FAT3: variants seen among roughly 807,000 people sequenced by gnomAD.
FAT3 encodes protocadherin Fat 3.
Under a neutral mutation model 310.2 loss-of-function variants are expected in FAT3, and 95 were observed. The ratio of observed to expected loss-of-function variants is 0.31; its 90% CI spans 0.26 to 0.36. The LOEUF (loss-of-function observed/expected upper bound fraction) is 0.36, where lower values mean the gene tolerates loss of function less well. FAT3 is among the 10% of genes least tolerant of loss of function. The probability of loss-of-function intolerance (pLI) is 1.00; values close to 1 mark genes in which losing one functional copy is unlikely to be tolerated. For synonymous variants in FAT3, 2,314 were observed against 2,192.9 expected, an observed-to-expected ratio of 1.06 and a Z score of -1.54; for missense variants, 5,408 against 5,715.6, an observed-to-expected ratio of 0.95 and a Z score of 1.74.
chr11:92,404,564 G>A (rs1049102778), intron 2 of FAT3, among the ~76,000 whole-genome samples: 9 of 151,420 alleles, frequency 5.9e-5, no homozygotes, highest in Non-Finnish European at 1.2e-4. Context: ...TGTCACCATG[G>A]TACAATATGG....
chr11:92,413,234 A>G (rs995921119), intron 2 of FAT3, among the ~76,000 whole-genome samples: 1 of 152,160 alleles, frequency 6.6e-6, no homozygotes, highest in Non-Finnish European at 1.5e-5. Context: ...GTTTGAAAAC[A>G]TGTTTGTTGA....
At chr11:92,475,242 T>A (rs1055028772) in intron 2 of FAT3, among the ~76,000 whole-genome samples, 11 of 152,190 alleles carry the variant, frequency 7.2e-5, no homozygotes, top group Admixed American at 5.2e-4. Flanking sequence ...TGCATCTTTT[T>A]AAAAAATCCT....
intron 1 of FAT3, among the ~76,000 whole-genome samples, chr11:92,333,250 A>G (rs377092439): frequency 2.8e-4 from 43 of 152,304 alleles, no homozygotes; most frequent in African/African-American, 1.0e-3. Context: ...ATGTGGAATC[A>G]TGTTAATGGT....
In FAT3 at chr11:92,834,858, T is replaced by G. The variant is rs1264769413; in HGVS notation, c.9872-12T>G. 1 of 1,586,980 alleles carries G rather than the reference T, an allele frequency of 6.3e-7. No homozygotes were observed. The highest frequency in any genetic ancestry group is 1.8e-5 in the Admixed American group (1 of 57,002). On this transcript the variant is annotated splice_polypyrimidine_tract_variant and intron_variant, in intron 14 of 27. Transcript: ENST00000525166. The stretch of plus-strand genomic sequence containing the variant: ...CCTAATGAAATATAAAGCTCCCCAT[T>G]TTTCTTCAAAGGGGGTATTTCTGTC...
intron 1 of FAT3, among the ~76,000 whole-genome samples, chr11:92,266,670 G>T (rs768682511): frequency 6.6e-6 from 1 of 152,086 alleles, no homozygotes; most frequent in African/African-American, 2.4e-5. Context: ...GCCCATCCTC[G>T]AGTAGCAAGC....
chr11:92,596,125 C>G (rs1939695352), intron 3 of FAT3, among the ~76,000 whole-genome samples: 1 of 152,186 alleles, frequency 6.6e-6, no homozygotes, highest in Non-Finnish European at 1.5e-5. Context: ...AAGAAATACA[C>G]TACATTTTTG....
At chr11:92,806,023 GA>G (rs1207126348) in intron 11 of FAT3, among the ~76,000 whole-genome samples, 4 of 152,154 alleles carry the variant, frequency 2.6e-5, no homozygotes, top group Non-Finnish European at 1.5e-5. Context: ...GGGCTCAAGA[GA>G]AAAACAGACA....
chr11:92,560,987 A>T (rs527768874), intron 3 of FAT3, among the ~76,000 whole-genome samples: 1 of 152,346 alleles, frequency 6.6e-6, no homozygotes, highest in East Asian at 1.9e-4. Context: ...TTAGAAAAGG[A>T]AGAATACCTG....
chr11:92,800,449 C>G lies in FAT3; in HGVS notation c.7436C>G (p.Thr2479Ser). 6.2e-7 allele frequency: 1 copy of G among 1,614,002 alleles called. No individual in the cohort carries two copies. The highest frequency in any genetic ancestry group is 1.1e-5 in the South Asian group (1 of 91,084). Residue 2479 changes from threonine to serine, a missense_variant, in exon 10 of 28, where the codon ACT becomes AGT. Around this residue, in one of 5 missense-constraint regions of FAT3, gnomAD observed 4,588 missense variants for 4,809.8 expected, o/e 0.95. Coordinates refer to ENST00000525166, the MANE Select transcript of FAT3 (RefSeq NM_001367949.2). The part of the protein sequence containing the change: ...VSVSDGLFTS[T>S]AQVHIRVLGA... Reference sequence around the variant, plus strand: ...GTCTCTGATGGGTTGTTCACCAGCACTGCACAGGTGCATATTAGGGTACTT... The same window carrying G: ...GTCTCTGATGGGTTGTTCACCAGCAGTGCACAGGTGCATATTAGGGTACTT...
At position 92,581,064 on chromosome 11, in the gene FAT3, G is replaced by A. The variant is rs185441292; in HGVS notation, c.3607+56116G>A. ...CCTGAGCTGGACAGCTGTTGGCTTCGTTTTCCACTTCCCTTCTGCCCAGGA... is the reference window on the plus strand; with the variant it reads ...CCTGAGCTGGACAGCTGTTGGCTTCATTTTCCACTTCCCTTCTGCCCAGGA... On this transcript the variant is annotated intron_variant, in intron 3 of 27. Coordinates refer to ENST00000525166, the MANE Select transcript of FAT3 (RefSeq NM_001367949.2). 2.6e-5 allele frequency among the ~76,000 whole-genome samples: 4 copies of A among 152,102 alleles called. No individual in the cohort carries two copies. In the East Asian group the frequency reaches 5.8e-4, roughly 22 times the overall value.
At chr11:92,712,347 A>G (rs1191318110) in intron 4 of FAT3, among the ~76,000 whole-genome samples, 1 of 152,208 alleles carries the variant, frequency 6.6e-6, no homozygotes, top group African/African-American at 2.4e-5. Flanking sequence ...TCATCTCTGC[A>G]CTCAGAGAAA....
chr11:92,735,323 G>A (rs569365434), intron 4 of FAT3, among the ~76,000 whole-genome samples: 1 of 152,222 alleles, frequency 6.6e-6, no homozygotes, highest in Admixed American at 6.5e-5. Flanking sequence ...GTTCACATAA[G>A]GGTCTTTCCT....
At chr11:92,597,006 C>A (rs1178660403) in intron 3 of FAT3, among the ~76,000 whole-genome samples, 1 of 152,180 alleles carries the variant, frequency 6.6e-6, no homozygotes, top group Non-Finnish European at 1.5e-5. Context: ...CCCTCAATAT[C>A]CTTTCTCCAT....
rs548365443 is a variant in FAT3, at chr11:92,772,750, C to T, written c.4196-1291C>T. Among the ~76,000 whole-genome samples, 5 of 152,146 alleles carry T rather than the reference C, an allele frequency of 3.3e-5. No homozygotes were observed. The East Asian group carries it at 9.7e-4, about 29-fold the overall frequency. Reference sequence around the variant, plus strand: ...TAATCTTAAGTGTATATGACAGCTGCAAGCAATAAGTATTTGAAATATATA... The same window carrying T: ...TAATCTTAAGTGTATATGACAGCTGTAAGCAATAAGTATTTGAAATATATA... On this transcript the variant is annotated intron_variant, in intron 6 of 27. Transcript: ENST00000525166.
At chr11:92,398,104 G>A (rs1479144098) in intron 2 of FAT3, among the ~76,000 whole-genome samples, 1 of 152,020 alleles carries the variant, frequency 6.6e-6, no homozygotes, top group Admixed American at 6.6e-5. Flanking sequence ...GCTAGCTTCT[G>A]GTGGTTGCCA....
intron 4 of FAT3, among the ~76,000 whole-genome samples, chr11:92,757,006 C>T (rs1457423777): frequency 6.8e-6 from 1 of 147,760 alleles, no homozygotes; most frequent in Non-Finnish European, 1.5e-5. Flanking sequence ...CTCACTGCAA[C>T]CTCCGCCTCC....
At chr11:92,396,991 G>A (rs767782939) in intron 2 of FAT3, among the ~76,000 whole-genome samples, 7 of 152,138 alleles carry the variant, frequency 4.6e-5, no homozygotes, top group Non-Finnish European at 7.3e-5. Context: ...GCAGGCATGA[G>A]CCACCACGCC....
At chr11:92,361,045 T>G (rs766203815) in intron 2 of FAT3, among the ~76,000 whole-genome samples, 1 of 152,198 alleles carries the variant, frequency 6.6e-6, no homozygotes, top group Non-Finnish European at 1.5e-5. Context: ...CACTGGCTTA[T>G]GGAAATATTT....
chr11:92,514,888 T>G (rs1193154809), intron 2 of FAT3, among the ~76,000 whole-genome samples: 1 of 152,126 alleles, frequency 6.6e-6, no homozygotes, highest in Admixed American at 6.6e-5. Flanking sequence ...GACCAAATTT[T>G]TGTCTCAGTG....
Sources: gnomAD v4.1 joint callset for allele counts (sites outside exome capture counted in the v4.1 genomes callset) on GRCh38, gnomAD v4.1.1 for gene constraint, gnomAD v4.1.1 regional missense constraint, MANE v1.5 for transcripts, NCBI Gene and HGNC (gene_info 2026-07-23, HGNC 2026-07-21) for gene names.